CPPED1: variants seen among roughly 807,000 people sequenced by gnomAD.
CPPED1 encodes calcineurin like phosphoesterase domain containing 1, also known as serine/threonine-protein phosphatase CPPED1.
In CPPED1, 28 loss-of-function variants were observed where a neutral mutation model predicts 28.0. The ratio of observed to expected loss-of-function variants is 1.00; its 90% CI spans 0.74 to 1.37. The LOEUF (loss-of-function observed/expected upper bound fraction) is 1.37, where lower values mean the gene tolerates loss of function less well. CPPED1 is among the 40% of genes most tolerant of loss of function. The pLI, the probability that CPPED1 is intolerant of heterozygous loss-of-function variation, is 0.00. For synonymous variants in CPPED1, 198 were observed against 180.2 expected, an observed-to-expected ratio of 1.10 and a Z score of -0.79; for missense variants, 504 against 416.5, an observed-to-expected ratio of 1.21 and a Z score of -1.83.
At chr16:12,697,621 C>T (rs759027310) in intron 3 of CPPED1, among the ~76,000 whole-genome samples, 11 of 152,150 alleles carry the variant, frequency 7.2e-5, no homozygotes, top group South Asian at 2.1e-4. Flanking sequence ...AAATTATCAC[C>T]GGCAGGCCTA....
At position 12,733,804 on chromosome 16, in the gene CPPED1, G is replaced by A. The variant is rs117329885; in HGVS notation, c.290-28755C>T. ...GGCTGCCTCTAGAAGTGAGCAACAG[G>A]CCAATGAGGAGTTGTGCACTGCTGC... On this transcript the variant is annotated intron_variant, in intron 2 of 3. Coordinates refer to ENST00000381774, the MANE Select transcript of CPPED1 (RefSeq NM_018340.3). Among the ~76,000 whole-genome samples, 101 of 152,234 alleles carry A rather than the reference G, an allele frequency of 6.6e-4. No individual in the cohort carries two copies. In the East Asian group the frequency reaches 0.01, roughly 15 times the overall value.
chr16:12,705,655 G>A (rs917173810), intron 2 of CPPED1, among the ~76,000 whole-genome samples: 1 of 152,200 alleles, frequency 6.6e-6, no homozygotes, highest in African/African-American at 2.4e-5. Context: ...CTACTCGGCA[G>A]GGTGAGGCAG....
intron 3 of CPPED1, among the ~76,000 whole-genome samples, chr16:12,666,978 C>CAAG (rs1372637311): frequency 2.6e-5 from 4 of 151,128 alleles, no homozygotes; most frequent in African/African-American, 9.7e-5. Context: ...GACACAGGTT[C>CAAG]AAGTCTAGGA....
chr16:12,673,297 C>G (rs1055772108), intron 3 of CPPED1, among the ~76,000 whole-genome samples: 2 of 152,190 alleles, frequency 1.3e-5, no homozygotes, highest in Non-Finnish European at 2.9e-5. Context: ...AATGGGACCG[C>G]GTAAGATCAG....
chr16:12,792,762 G>A (rs60073492), intron 1 of CPPED1, among the ~76,000 whole-genome samples: 1 of 152,128 alleles, frequency 6.6e-6, no homozygotes, highest in African/African-American at 2.4e-5. Flanking sequence ...CCCTGCACAC[G>A]CTCTCTTGCC....
At chr16:12,738,478 T>G (rs1429357123) in intron 2 of CPPED1, among the ~76,000 whole-genome samples, 2 of 152,094 alleles carry the variant, frequency 1.3e-5, no homozygotes, top group African/African-American at 2.4e-5. Flanking sequence ...AAAAAAATGT[T>G]GCAGAGATGA....
chr16:12,729,532 T>C (rs1286936539), intron 2 of CPPED1, among the ~76,000 whole-genome samples: 1 of 152,210 alleles, frequency 6.6e-6, no homozygotes, highest in Non-Finnish European at 1.5e-5. Flanking sequence ...TGTCATCTTG[T>C]TGGCAATGCA....
intron 2 of CPPED1, among the ~76,000 whole-genome samples, chr16:12,772,068 A>G (rs2080473308): frequency 6.6e-6 from 1 of 152,204 alleles, no homozygotes; most frequent in African/African-American, 2.4e-5. Flanking sequence ...GGTTGCAGTG[A>G]GCTGAGATCG....
intron 2 of CPPED1, among the ~76,000 whole-genome samples, chr16:12,743,200 G>A (rs926220554): frequency 2.0e-5 from 3 of 152,190 alleles, no homozygotes; most frequent in East Asian, 3.8e-4. Flanking sequence ...TGAAGGGTAA[G>A]TCTCAGGACT....
At chr16:12,710,851 G>A (rs1480274245) in intron 2 of CPPED1, among the ~76,000 whole-genome samples, 2 of 152,168 alleles carry the variant, frequency 1.3e-5, no homozygotes, top group African/African-American at 4.8e-5. Context: ...GTATTGGTGA[G>A]GATGTGGAGA....
At chr16:12,726,761 T>G (rs1215474292) in intron 2 of CPPED1, among the ~76,000 whole-genome samples, 2 of 152,052 alleles carry the variant, frequency 1.3e-5, no homozygotes, top group Non-Finnish European at 2.9e-5. Context: ...GTTAGCTGTG[T>G]TGGCACCACT....
intron 3 of CPPED1, among the ~76,000 whole-genome samples, chr16:12,675,831 A>G (rs2079875002): frequency 1.3e-5 from 2 of 152,228 alleles, no homozygotes; most frequent in South Asian, 4.1e-4. Flanking sequence ...TGACACAAAT[A>G]AAAAAGAGGG....
intron 2 of CPPED1, among the ~76,000 whole-genome samples, chr16:12,742,882 C>T (rs938442703): frequency 6.6e-6 from 1 of 152,138 alleles, no homozygotes; most frequent in Non-Finnish European, 1.5e-5. Context: ...GGACTGGAGG[C>T]GTGGGACGAA....
At chr16:12,688,198 T>C (rs1177001361) in intron 3 of CPPED1, among the ~76,000 whole-genome samples, 2 of 151,010 alleles carry the variant, frequency 1.3e-5, no homozygotes. Context: ...ACTCACACAA[T>C]CTTAAGAGGA....
intron 3 of CPPED1, among the ~76,000 whole-genome samples, chr16:12,701,404 C>T (rs543923722): frequency 1.1e-4 from 17 of 152,126 alleles, no homozygotes; most frequent in African/African-American, 2.4e-4. Context: ...CATGGTGGTG[C>T]GCGCCTGTAA....
At chr16:12,762,646 G>A (rs767361825) in intron 2 of CPPED1, among the ~76,000 whole-genome samples, 1 of 152,118 alleles carries the variant, frequency 6.6e-6, no homozygotes, top group Non-Finnish European at 1.5e-5. Flanking sequence ...ATCTACACAC[G>A]GACAGTGGAT....
At chr16:12,754,645 C>G (rs1023983492) in intron 2 of CPPED1, among the ~76,000 whole-genome samples, 10 of 151,864 alleles carry the variant, frequency 6.6e-5, no homozygotes, top group Admixed American at 6.6e-4. Context: ...AGGCAGAGGC[C>G]AAAAGGGAGA....
intron 3 of CPPED1, among the ~76,000 whole-genome samples, chr16:12,685,032 C>T (rs9926345): frequency 2.6e-5 from 4 of 152,310 alleles, no homozygotes; most frequent in Admixed American, 2.6e-4. Flanking sequence ...TTACTCACGA[C>T]AGGGTGGAAA....
chr16:12,782,408 GCA>G (rs1339922159), intron 1 of CPPED1, among the ~76,000 whole-genome samples: 2 of 152,122 alleles, frequency 1.3e-5, no homozygotes, highest in Non-Finnish European at 2.9e-5. Flanking sequence ...GCTGGACACG[GCA>G]CAGTCTGAGG....
Sources: gnomAD v4.1 joint callset for allele counts (sites outside exome capture counted in the v4.1 genomes callset) on GRCh38, gnomAD v4.1.1 for gene constraint, MANE v1.5 for transcripts, NCBI Gene and HGNC (gene_info 2026-07-23, HGNC 2026-07-21) for gene names.